PPP4C: variants seen among roughly 807,000 people sequenced by gnomAD.
PPP4C encodes the protein serine/threonine-protein phosphatase 4 catalytic subunit.
A neutral mutation model predicts 40.5 loss-of-function variants in PPP4C; 10 were observed. The ratio of observed to expected loss-of-function variants is 0.25; its 90% CI spans 0.15 to 0.42. The LOEUF (loss-of-function observed/expected upper bound fraction) is 0.42, where lower values mean the gene tolerates loss of function less well. PPP4C is among the 10% of genes least tolerant of loss of function. The pLI is 1.00. For missense variants in PPP4C, 191 were observed against 416.4 expected, an observed-to-expected ratio of 0.46 and a Z score of 4.71; for synonymous variants, 187 against 163.6, an observed-to-expected ratio of 1.14 and a Z score of -1.09.
chr16:30,082,955 GT>G, intron 5 of PPP4C, 108 bp downstream of exon 5: 2 of 957,596 alleles, frequency 2.1e-6, no homozygotes, highest in Non-Finnish European at 1.6e-6. Flanking sequence ...CCTTGGAGCT[GT>G]GTCACTGGTG....
At position 30,083,641 on chromosome 16, in the gene PPP4C, G is replaced by C; in HGVS notation, c.478-14G>C. ...GGCCTCAGCCCCGTCCTCTTTCCCT[G>C]CTCTCCCCTGTAGATCTTCTGCGTG... On this transcript the variant is annotated splice_polypyrimidine_tract_variant and intron_variant, in intron 6 of 8. Coordinates refer to ENST00000279387, the MANE Select transcript of PPP4C (RefSeq NM_002720.3). This position sits in a 1 kb window ranked among gnomAD's most constrained non-coding sequence, Gnocchi z 6.3. 1 of 1,614,094 alleles carries C rather than the reference G, an allele frequency of 6.2e-7. No individual in the cohort carries two copies. Among genetic ancestry groups the C allele is most frequent in the Non-Finnish European group, 8.5e-7 (1 of 1,180,014 alleles).
Position 30,083,236 on chromosome 16 carries a change from C to A in PPP4C, c.304-158C>A. On this transcript the variant is annotated intron_variant, in intron 5 of 8. Transcript: ENST00000279387. This position sits in a 1 kb window ranked among gnomAD's most constrained non-coding sequence, Gnocchi z 6.3. ...CATTCTCTGGAGGGGTCGTGTGGGC[C>A]TGGGAGGTGGCTGATGCCACACGAT... 2 of 812,718 alleles carry A rather than the reference C, an allele frequency of 2.5e-6. No individual in the cohort carries two copies. The highest frequency in any genetic ancestry group is 4.0e-6 in the Non-Finnish European group (2 of 503,026). The allele number at this position is 812,718 out of a possible 1,614,324, so 50.3% of individuals were successfully genotyped here.
chr16:30,077,266 C>T (rs191987933), intron 2 of PPP4C, among the ~76,000 whole-genome samples: 2 of 152,222 alleles, frequency 1.3e-5, no homozygotes, highest in East Asian at 3.9e-4. Context: ...ATTAATAGTA[C>T]TTAATAAGAT....
chr16:30,082,521 A>T lies in PPP4C; in HGVS notation c.188A>T (p.Lys63Ile). The change falls in exon 4 of 9, where the codon AAA becomes ATA. Residue 63 changes from lysine (K) to isoleucine (I), a missense_variant. Transcript: ENST00000279387. ...GDIHGQFYDL[K>I]ELFRVGGDVP... The stretch of plus-strand genomic sequence containing the variant: ...ATCCATGGACAATTCTATGACCTCA[A>T]AGAGCTGTTCAGAGTAAGAGTGTGG... 6.2e-7 allele frequency: 1 copy of T among 1,613,600 alleles called. No individual in the cohort carries two copies. The highest frequency in any genetic ancestry group is 1.1e-5 in the South Asian group (1 of 91,066).
At position 30,076,306 on chromosome 16, in the gene PPP4C, C is replaced by T. The variant is rs2072392790; in HGVS notation, c.-63-9C>T. 32 of 1,509,292 alleles carry T rather than the reference C, an allele frequency of 2.1e-5. No homozygotes were observed. The highest frequency in any genetic ancestry group is 2.6e-5 in the Non-Finnish European group (29 of 1,099,172). 93.5% of individuals were successfully genotyped at this position (1,509,292 alleles called of 1,614,324 possible). A position where few individuals can be genotyped will look rare whatever the true frequency, so the allele number is the denominator to read the frequency against. On this transcript the variant is annotated splice_polypyrimidine_tract_variant and intron_variant, in intron 1 of 8. Coordinates refer to ENST00000279387, the MANE Select transcript of PPP4C (RefSeq NM_002720.3). The stretch of plus-strand genomic sequence containing the variant: ...CACTGATCCGCGGGCTCGTCTTGGC[C>T]TTTCCCAGGAGACCCCTGTGCGGTG...
chr16:30,082,576 A>C (rs369560230), intron 4 of PPP4C, 42 bp downstream of exon 4: 1 of 1,597,254 alleles, frequency 6.3e-7, no homozygotes, highest in African/African-American at 1.3e-5. Flanking sequence ...CGGGGGGATG[A>C]CTGGAAGACC....
rs760713650 is a variant in PPP4C, at chr16:30,082,805, C to T, written c.261C>T (p.Gly87=). The change falls in exon 5 of 9, where the codon GGC becomes GGT. Residue 87 remains glycine, a synonymous_variant. Transcript: ENST00000279387. ...YLFMGDFVDR[G]FYSVETFLLL... ...TCATGGGGGACTTTGTGGACCGTGG[C>T]TTCTATAGCGTCGAAACGTTCCTCC... The T allele has an allele frequency of 1.5e-5, 24 of 1,614,032 alleles. No homozygotes were observed. The highest frequency in any genetic ancestry group is 9.3e-5 in the African/African-American group (7 of 74,904).
intron 2 of PPP4C, among the ~76,000 whole-genome samples, chr16:30,078,057 G>A (rs932926851): frequency 6.6e-6 from 1 of 152,152 alleles, no homozygotes; most frequent in Non-Finnish European, 1.5e-5. Context: ...GGCATTTTTA[G>A]GAACTTAAAC....
chr16:30,076,369 G>T lies in PPP4C; in HGVS notation c.-9G>T. Reference sequence around the variant, plus strand: ...CGGCCCCGACTCTGACCCGCGCCGGGGGTGGGCCATGGCGGAGATCAGCGA... The same window carrying T: ...CGGCCCCGACTCTGACCCGCGCCGGTGGTGGGCCATGGCGGAGATCAGCGA... On this transcript the variant is annotated 5_prime_UTR_variant, in exon 2 of 9. Transcript: ENST00000279387. 1 of 1,612,390 alleles carries T rather than the reference G, an allele frequency of 6.2e-7. No homozygotes were observed. The highest frequency in any genetic ancestry group is 8.5e-7 in the Non-Finnish European group (1 of 1,179,496).
intron 2 of PPP4C, among the ~76,000 whole-genome samples, chr16:30,077,602 C>G (rs926544849): frequency 6.6e-6 from 1 of 152,170 alleles, no homozygotes; most frequent in East Asian, 1.9e-4. Context: ...GTGGCTTCTA[C>G]CAGGCTGGAG....
At chr16:30,082,883 C>T (rs374201348) in intron 5 of PPP4C, 36 bp downstream of exon 5, 54 of 1,568,222 alleles carry the variant, frequency 3.4e-5, no homozygotes, top group Middle Eastern at 1.7e-4. Context: ...CCAACCTGGG[C>T]GACCTCGGGC....
At chr16:30,082,303 C>T (rs948840761) in intron 3 of PPP4C, among the ~76,000 whole-genome samples, 181 bp from the exon 4 acceptor site, 2 of 152,196 alleles carry the variant, frequency 1.3e-5, no homozygotes, top group Non-Finnish European at 2.9e-5. Context: ...TGGTACTCAG[C>T]ATAGGACAGT....
In PPP4C at chr16:30,084,643, C is replaced by T. The variant is rs1384055068; in HGVS notation, c.605-23C>T. ...CAGAGAAGCCTGAGGACATCCCTCT[C>T]CATCCCTCCCTTTCCGCATCAGACA... On this transcript the variant is annotated intron_variant, in intron 7 of 8. Transcript: ENST00000279387. 4 of 1,610,550 alleles carry T rather than the reference C, an allele frequency of 2.5e-6. No individual in the cohort carries two copies. The South Asian group carries it at 4.4e-5, about 18-fold the overall frequency.
Position 30,084,722 on chromosome 16 carries a change from G to A in PPP4C, c.661G>A (p.Val221Met). Residue 221 changes from valine to methionine, a missense_variant, in exon 8 of 9, where the codon GTG (valine) becomes ATG (methionine). By Grantham distance (21) the Val-to-Met change is conservative (BLOSUM62 1). This residue lies in a region of PPP4C where 171 missense variants were observed against 352.4 expected (regional missense o/e 0.49). Coordinates refer to ENST00000279387, the MANE Select transcript of PPP4C (RefSeq NM_002720.3). ...RGAGYLFGSD[V>M]VAQFNAANDI... The stretch of plus-strand genomic sequence containing the variant: ...AGCCGGCTACCTATTTGGCAGTGAC[G>A]TGGTGGCCCAGTTCAACGCAGCCAA... 6.2e-7 allele frequency: 1 copy of A among 1,614,262 alleles called. No homozygotes were observed. The highest frequency in any genetic ancestry group is 8.5e-7 in the Non-Finnish European group (1 of 1,180,046).
At position 30,083,151 on chromosome 16, in the gene PPP4C, GTGTC is replaced by G. The variant is rs1023904237; in HGVS notation, c.304-240_304-237del. On this transcript the variant is annotated intron_variant, in intron 5 of 8. Transcript: ENST00000279387. The surrounding 1 kb of genome is among the most constrained non-coding windows in gnomAD (Gnocchi z 6.3). ...GGGTGCCTTGCTAGGGACCCGGTCTGTGTCTGGTAGGTGAAAGAAGAGCCATTAG... is the reference window on the plus strand; with the variant it reads ...GGGTGCCTTGCTAGGGACCCGGTCTGTGGTAGGTGAAAGAAGAGCCATTAG... The G allele has an allele frequency of 3.3e-6, 2 of 601,642 alleles. No individual in the cohort carries two copies. The highest frequency in any genetic ancestry group is 3.0e-5 in the Admixed American group (1 of 33,064). 37.3% of individuals were successfully genotyped at this position (601,642 alleles called of 1,614,324 possible).
rs780043124 is a variant in PPP4C at position 30,084,738 on chromosome 16, A to G, written c.677A>G (p.Asn226Ser). Residue 226 changes from asparagine to serine, a missense_variant, in exon 8 of 9, where the codon AAC (asparagine) becomes AGC (serine). Asn to Ser is a conservative substitution (Grantham distance 46). Transcript: ENST00000279387. Reference sequence around the variant, plus strand: ...GGCAGTGACGTGGTGGCCCAGTTCAACGCAGCCAATGACATTGACATGATC... The same window carrying G: ...GGCAGTGACGTGGTGGCCCAGTTCAGCGCAGCCAATGACATTGACATGATC... ...LFGSDVVAQF[N>S]AANDIDMICR... is the part of the protein sequence containing the mutation. 7.4e-6 allele frequency: 12 copies of G among 1,614,116 alleles called. No individual in the cohort carries two copies. Among genetic ancestry groups the G allele is most frequent in the African/African-American group, 2.7e-5 (2 of 74,942 alleles).
intron 1 of PPP4C, 59 bp downstream of exon 1, chr16:30,076,153 G>T (rs2072386495): frequency 1.7e-6 from 1 of 574,434 alleles, no homozygotes. Flanking sequence ...GGGGTTCGAC[G>T]GGAGTTAGCG....
In PPP4C at chr16:30,083,681, C is replaced by T; in HGVS notation, c.504C>T (p.Ser168=). The stretch of plus-strand genomic sequence containing the variant: ...TCTTCTGCGTGCACGGGGGCCTCTC[C>T]CCCTCCATCCAGACCCTGGATCAGA... ...GKIFCVHGGL[S]PSIQTLDQIR... is the part of the protein sequence containing the mutation. The change falls in exon 7 of 9, where the codon TCC becomes TCT. Residue 168 remains serine (S), a synonymous_variant. Coordinates refer to ENST00000279387, the MANE Select transcript of PPP4C (RefSeq NM_002720.3). This position sits in a 1 kb window ranked among gnomAD's most constrained non-coding sequence, Gnocchi z 6.3. 6.2e-7 allele frequency: 1 copy of T among 1,614,156 alleles called. No homozygotes were observed. The highest frequency in any genetic ancestry group is 1.1e-5 in the South Asian group (1 of 91,084).
chr16:30,077,166 T>C (rs1487429290), intron 2 of PPP4C, among the ~76,000 whole-genome samples: 7 of 152,182 alleles, frequency 4.6e-5, no homozygotes, highest in African/African-American at 1.7e-4. Context: ...CTCTAGGTTT[T>C]GCAGTGTGAG....
Sources: allele counts gnomAD v4.1 joint callset (sites outside exome capture counted in the v4.1 genomes callset), GRCh38; gene constraint gnomAD v4.1.1; regional missense constraint gnomAD v4.1.1; non-coding constraint Gnocchi (gnomAD v3.1); transcripts MANE v1.5; gene names NCBI Gene and HGNC (gene_info 2026-07-23, HGNC 2026-07-21).